Variants in NRG1 observed in about 807,000 individuals in gnomAD.
NRG1 encodes pro-neuregulin-1, membrane-bound isoform.
A neutral mutation model predicts 63.8 loss-of-function variants in NRG1; 18 were observed. That is an observed-to-expected ratio of 0.28 (90% confidence interval 0.19 to 0.42). The LOEUF (loss-of-function observed/expected upper bound fraction) is 0.42, where lower values mean the gene tolerates loss of function less well. Ranked by LOEUF, NRG1 falls within the 10% of genes least tolerant of loss-of-function variation. The probability of loss-of-function intolerance (pLI) is 1.00; values close to 1 mark genes in which losing one functional copy is unlikely to be tolerated. For missense variants in NRG1, 762 were observed against 814.7 expected, an observed-to-expected ratio of 0.94 and a Z score of 0.79; for synonymous variants, 302 against 301.3, an observed-to-expected ratio of 1.00 and a Z score of -0.02.
intron 1 of NRG1, among the ~76,000 whole-genome samples, chr8:32,100,734 G>A (rs1206061164): frequency 2.0e-5 from 3 of 152,116 alleles, no homozygotes; most frequent in Non-Finnish European, 4.4e-5. Flanking sequence ...GAGAACAAAG[G>A]AACCTGAATA....
rs756489856 is a variant in NRG1 at position 32,463,874 on chromosome 8, C to CTTTTTTTTTTTTTT, written c.38-131928_38-131915dup. On this transcript the variant is annotated intron_variant, in intron 1 of 10. Coordinates refer to the NRG1 transcript ENST00000519301. Reference sequence around the variant, plus strand: ...ACACACACGAAAAAAACTTAGAATTCTTTTTTTTTTTTTTTTTTTTTTTTT... The same window carrying CTTTTTTTTTTTTTT: ...ACACACACGAAAAAAACTTAGAATTCTTTTTTTTTTTTTTTTTTTTTTTTTTTTTTTTTTTTTTT... Among the ~76,000 whole-genome samples the CTTTTTTTTTTTTTT allele has an allele frequency of 1.3e-3, 53 of 42,346 alleles. 8 individuals carry two copies. The highest frequency in any genetic ancestry group is 6.0e-3 in the East Asian group (5 of 840). The allele number at this position is 42,346 out of a possible 152,430, so 27.8% of individuals were successfully genotyped here. A position where few individuals can be genotyped will look rare whatever the true frequency, so the allele number is the denominator to read the frequency against.
intron 1 of NRG1, among the ~76,000 whole-genome samples, chr8:32,233,563 A>ATATGTAT (rs34593729): frequency 3.0e-5 from 2 of 67,264 alleles, no homozygotes; most frequent in East Asian, 3.9e-4. Flanking sequence ...ATATATATAT[A>ATATGTAT]TTTTTTTTTT....
At chr8:31,892,032 A>T (rs1831183851) in intron 1 of NRG1, among the ~76,000 whole-genome samples, 1 of 152,196 alleles carries the variant, frequency 6.6e-6, no homozygotes, top group Non-Finnish European at 1.5e-5. Flanking sequence ...AAAGTGCCAC[A>T]TGAGGAATGC....
chr8:32,626,235 A>T (rs1346498079), intron 5 of NRG1, among the ~76,000 whole-genome samples: 1 of 150,136 alleles, frequency 6.7e-6, no homozygotes, highest in Non-Finnish European at 1.5e-5. Flanking sequence ...ATAAATAGGA[A>T]ATAGTCCTTG....
chr8:32,558,096 C>T (rs1052574222), intron 1 of NRG1, among the ~76,000 whole-genome samples: 2 of 152,110 alleles, frequency 1.3e-5, no homozygotes, highest in African/African-American at 4.8e-5. Flanking sequence ...AGACAAGGAC[C>T]GCTATCGTTC....
intron 1 of NRG1, among the ~76,000 whole-genome samples, chr8:32,300,623 G>A (rs1855476343): frequency 6.6e-6 from 1 of 152,182 alleles, no homozygotes; most frequent in Non-Finnish European, 1.5e-5. Context: ...ATTAAAGAAT[G>A]CCATTAAGTT....
intron 1 of NRG1, among the ~76,000 whole-genome samples, chr8:32,575,857 C>T (rs1386629327): frequency 6.6e-6 from 1 of 152,122 alleles, no homozygotes. Flanking sequence ...ATAGAAAGCA[C>T]AAATTTAAAA....
chr8:32,228,523 T>A (rs1436699142), intron 1 of NRG1, among the ~76,000 whole-genome samples: 1 of 152,210 alleles, frequency 6.6e-6, no homozygotes, highest in Non-Finnish European at 1.5e-5. Context: ...ACTTTCAATG[T>A]CACGGTGGAA....
chr8:32,125,982 T>C (rs1488751449), intron 1 of NRG1, among the ~76,000 whole-genome samples: 1 of 151,770 alleles, frequency 6.6e-6, no homozygotes, highest in Non-Finnish European at 1.5e-5. Context: ...TTCTCTATGC[T>C]TCCATCATGA....
chr8:32,743,785 T>TA (rs906009863), intron 7 of NRG1, among the ~76,000 whole-genome samples: 8 of 151,866 alleles, frequency 5.3e-5, no homozygotes, highest in African/African-American at 1.9e-4. Flanking sequence ...ATATTGCATT[T>TA]AAAATGCATA....
chr8:32,127,118 G>C (rs973505804), intron 1 of NRG1, among the ~76,000 whole-genome samples: 2 of 151,938 alleles, frequency 1.3e-5, no homozygotes, highest in Admixed American at 6.6e-5. Flanking sequence ...AGCAGGACAA[G>C]ACCATATAAG....
At chr8:31,810,815 G>A (rs1422430132) in intron 1 of NRG1, among the ~76,000 whole-genome samples, 3 of 152,196 alleles carry the variant, frequency 2.0e-5, no homozygotes, top group Non-Finnish European at 4.4e-5. Flanking sequence ...TTCTCCACCA[G>A]CATATCCTCT....
Position 32,150,732 on chromosome 8 carries a change from T to C in NRG1, c.38-445096T>C, listed in dbSNP as rs190799563. 5.6e-4 allele frequency among the ~76,000 whole-genome samples: 86 copies of C among 152,288 alleles called. 2 individuals are homozygous for C. The highest frequency in any genetic ancestry group is 7.4e-5 in the Non-Finnish European group (5 of 68,014). Reference sequence around the variant, plus strand: ...ACAGGCTCCTGAGCATCTCAGTGCCTTTGAGGCTATAAAGGACCTCGACCT... The same window carrying C: ...ACAGGCTCCTGAGCATCTCAGTGCCCTTGAGGCTATAAAGGACCTCGACCT... On this transcript the variant is annotated intron_variant, in intron 1 of 10. Coordinates refer to the NRG1 transcript ENST00000519301.
intron 1 of NRG1, among the ~76,000 whole-genome samples, chr8:32,567,643 A>G (rs747233374): frequency 6.6e-5 from 10 of 152,120 alleles, no homozygotes; most frequent in Non-Finnish European, 1.2e-4. Flanking sequence ...GGTGCCCCTC[A>G]CTTCTTTTTT....
rs139531714 is a variant in NRG1 at position 32,668,102 on chromosome 8, A to G, written c.502+51217A>G. ...ATGGTGGGTGCCTGTAGTCCCAGCTACTTGAGAGGCTGAGGCAGGAGAATC... is the reference window on the plus strand; with the variant it reads ...ATGGTGGGTGCCTGTAGTCCCAGCTGCTTGAGAGGCTGAGGCAGGAGAATC... On this transcript the variant is annotated intron_variant, in intron 5 of 11. Coordinates refer to ENST00000356819, the Ensembl canonical transcript of NRG1. Among the ~76,000 whole-genome samples the G allele has an allele frequency of 4.8e-3, 724 of 152,020 alleles. 4 individuals carry two copies. The highest frequency in any genetic ancestry group is 0.017 in the African/African-American group (690 of 41,436).
At chr8:32,307,583 A>AGG (rs1162602359) in intron 1 of NRG1, among the ~76,000 whole-genome samples, 5 of 119,226 alleles carry the variant, frequency 4.2e-5, no homozygotes, top group Admixed American at 2.0e-4. Flanking sequence ...ATGGTCACCC[A>AGG]GGGGTTTGTG....
chr8:32,281,184 C>CTTTTTT (rs35582021), intron 1 of NRG1, among the ~76,000 whole-genome samples: 1 of 94,326 alleles, frequency 1.1e-5, no homozygotes, highest in Non-Finnish European at 2.0e-5. Flanking sequence ...GTAGTTTTTC[C>CTTTTTT]TTTTTTTTTT....
chr8:31,687,849 C>T (rs562749569), intron 1 of NRG1, among the ~76,000 whole-genome samples: 147 of 152,310 alleles, frequency 9.7e-4, no homozygotes, highest in African/African-American at 3.5e-3. Flanking sequence ...TAAATGGATG[C>T]GGCTGTCACC....
At chr8:31,801,446 T>A (rs1471739406) in intron 1 of NRG1, among the ~76,000 whole-genome samples, 1 of 152,216 alleles carries the variant, frequency 6.6e-6, no homozygotes, top group African/African-American at 2.4e-5. Context: ...TCTGTTTAAA[T>A]ATAAAGTATT....
Sources: allele counts gnomAD v4.1 joint callset (sites outside exome capture counted in the v4.1 genomes callset), GRCh38; gene constraint gnomAD v4.1.1; transcripts MANE v1.5; gene names NCBI Gene and HGNC (gene_info 2026-07-23, HGNC 2026-07-21).